The following EVI5 variants were observed in gnomAD, a reference collection of about 807,000 sequenced individuals.
EVI5 encodes the protein ecotropic viral integration site 5 protein homolog.
In EVI5, 73 loss-of-function variants were observed where a neutral mutation model predicts 112.0. That is an observed-to-expected ratio of 0.65 (90% CI 0.54 to 0.79). The LOEUF (loss-of-function observed/expected upper bound fraction) is 0.79, where lower values mean the gene tolerates loss of function less well. EVI5 is among the 30% of genes least tolerant of loss of function. The pLI is 0.00. For synonymous variants in EVI5, 305 were observed against 319.9 expected (o/e 0.95, Z 0.50); for missense variants, 900 against 968.8 (o/e 0.93, Z 0.94).
chr1:92,736,153 G>A (rs929715220), intron 2 of EVI5, among the ~76,000 whole-genome samples: 1 of 151,768 alleles, frequency 6.6e-6, no homozygotes, highest in Non-Finnish European at 1.5e-5. Flanking sequence ...TTAAAAAATT[G>A]ATAAAATTCA....
At chr1:92,629,264 T>G (rs1193264567) in intron 14 of EVI5, among the ~76,000 whole-genome samples, 1 of 152,222 alleles carries the variant, frequency 6.6e-6, no homozygotes, top group Non-Finnish European at 1.5e-5. Flanking sequence ...CCATTACTGA[T>G]TCTAGTTACA....
Position 92,509,123 on chromosome 1 carries a change from T to C in EVI5, c.*4533A>G, listed in dbSNP as rs1659035549. Reference sequence around the variant, plus strand: ...ATTAATCAAGCTGGTCATGAAACAGTTTTACCAAAATATAATTCATATACT... The same window carrying C: ...ATTAATCAAGCTGGTCATGAAACAGCTTTACCAAAATATAATTCATATACT... On this transcript the variant is annotated 3_prime_UTR_variant, in exon 20 of 20. Coordinates refer to ENST00000684568, the MANE Select transcript of EVI5 (RefSeq NM_001350197.2). The C allele has an allele frequency of 6.6e-6, 1 of 152,400 alleles. No homozygotes were observed. The highest frequency in any genetic ancestry group is 2.1e-4 in the South Asian group (1 of 4,832). 9.4% of individuals were successfully genotyped at this position (152,400 alleles called of 1,614,324 possible).
At chr1:92,617,290 G>C (rs1222446255) in intron 16 of EVI5, among the ~76,000 whole-genome samples, 1 of 152,196 alleles carries the variant, frequency 6.6e-6, no homozygotes, top group Admixed American at 6.5e-5. Flanking sequence ...AATGATTCAT[G>C]GGCTGTAGCC....
chr1:92,652,101 TC>T (rs1557999957), intron 13 of EVI5, among the ~76,000 whole-genome samples: 7 of 152,138 alleles, frequency 4.6e-5, no homozygotes, highest in African/African-American at 1.7e-4. Flanking sequence ...AACCCAAATG[TC>T]CATCAACAAA....
At chr1:92,684,465 CCAGTGA>C (rs1311731904) in intron 9 of EVI5, among the ~76,000 whole-genome samples, 1 of 152,156 alleles carries the variant, frequency 6.6e-6, no homozygotes, top group East Asian at 1.9e-4. Context: ...ATTGTAAAGA[CCAGTGA>C]CACTGTGAAG....
At chr1:92,574,066 T>G (rs1347389253) in intron 18 of EVI5, among the ~76,000 whole-genome samples, 2 of 152,076 alleles carry the variant, frequency 1.3e-5, no homozygotes, top group Non-Finnish European at 2.9e-5. Flanking sequence ...ATATAACACA[T>G]AAGAGTATGT....
intron 1 of EVI5, among the ~76,000 whole-genome samples, chr1:92,765,797 G>A (rs370856874): frequency 1.7e-4 from 26 of 152,024 alleles, no homozygotes; most frequent in African/African-American, 5.8e-4. Context: ...GGGAAAGGGC[G>A]GGGCATGGTG....
intron 9 of EVI5, among the ~76,000 whole-genome samples, chr1:92,689,279 T>A (rs1669081036): frequency 6.6e-6 from 1 of 151,878 alleles, no homozygotes; most frequent in African/African-American, 2.4e-5. Context: ...AACCTGTAAG[T>A]CCTTAATAAT....
chr1:92,787,888 G>A (rs749465594), upstream of EVI5, among the ~76,000 whole-genome samples: 19 of 152,162 alleles, frequency 1.2e-4, no homozygotes, highest in Non-Finnish European at 2.4e-4. Context: ...GAAGATAAAT[G>A]ACACAAAGTA....
rs754902394 is a variant in EVI5, at chr1:92,695,431, A to G, written c.788T>C (p.Val263Ala). Residue 263 changes from valine to alanine, a missense_variant, in exon 7 of 20, where the codon GTA (valine) becomes GCA (alanine). Physicochemically the swap from Val to Ala is moderately conservative, Grantham distance 64. Coordinates refer to ENST00000684568, the MANE Select transcript of EVI5 (RefSeq NM_001350197.2). ...MIQEHLPELF[V>A]HFQSQSFHTS... is the part of the protein sequence containing the mutation. ...ATGAAAACTCTGAGATTGAAAATGT[A>G]CAAAGAGCTCTGGAAGATGCTCCTA... The G allele has an allele frequency of 1.2e-6, 2 of 1,605,868 alleles. No homozygotes were observed. The highest frequency in any genetic ancestry group is 3.4e-5 in the Admixed American group (2 of 59,380).
intron 2 of EVI5, among the ~76,000 whole-genome samples, chr1:92,714,859 G>T (rs1045212954): frequency 1.1e-4 from 17 of 152,090 alleles, no homozygotes; most frequent in Admixed American, 9.8e-4. Context: ...CCAAAATCCT[G>T]GGATTACAGG....
intron 19 of EVI5, among the ~76,000 whole-genome samples, chr1:92,536,345 A>C (rs185035863): frequency 6.6e-6 from 1 of 152,310 alleles, no homozygotes; most frequent in East Asian, 1.9e-4. Flanking sequence ...AAAGCATAAA[A>C]ATGCAGTATA....
chr1:92,772,621 G>A (rs950865821), intron 1 of EVI5, among the ~76,000 whole-genome samples: 2 of 151,990 alleles, frequency 1.3e-5, no homozygotes, highest in African/African-American at 4.8e-5. Flanking sequence ...ACTTCATAGC[G>A]GCTGGGTGCA....
chr1:92,667,321 T>C (rs529270659), intron 10 of EVI5, among the ~76,000 whole-genome samples: 1 of 152,120 alleles, frequency 6.6e-6, no homozygotes, highest in Non-Finnish European at 1.5e-5. Flanking sequence ...TAGACTTCAA[T>C]AGTCTCCATT....
At chr1:92,715,042 G>T (rs1673402880) in intron 2 of EVI5, among the ~76,000 whole-genome samples, 1 of 151,374 alleles carries the variant, frequency 6.6e-6, no homozygotes, top group Non-Finnish European at 1.5e-5. Context: ...GTCTCACTCT[G>T]TCACCCACGA....
upstream of EVI5, among the ~76,000 whole-genome samples, chr1:92,788,240 T>C (rs1035239337): frequency 6.6e-6 from 1 of 151,862 alleles, no homozygotes; most frequent in East Asian, 1.9e-4. Context: ...GAGGCCAAGG[T>C]GGGTGGATTG....
intron 9 of EVI5, among the ~76,000 whole-genome samples, chr1:92,683,967 G>C (rs1385040232): frequency 1.3e-5 from 2 of 152,190 alleles, no homozygotes; most frequent in Non-Finnish European, 1.5e-5. Flanking sequence ...AACCAAGTTA[G>C]AAAACACTCT....
At chr1:92,524,200 G>A (rs1661464228) in intron 19 of EVI5, among the ~76,000 whole-genome samples, 1 of 151,026 alleles carries the variant, frequency 6.6e-6, no homozygotes. Context: ...GAATTCAGCA[G>A]GACAGGCCCA....
chr1:92,628,107 T>C (rs911218753), intron 14 of EVI5, among the ~76,000 whole-genome samples: 1 of 152,228 alleles, frequency 6.6e-6, no homozygotes, highest in South Asian at 2.1e-4. Context: ...TACATTTTCA[T>C]GTTTGTTGGC....
Sources: gnomAD v4.1 joint callset for allele counts (sites outside exome capture counted in the v4.1 genomes callset) on GRCh38, gnomAD v4.1.1 for gene constraint, MANE v1.5 for transcripts, NCBI Gene and HGNC (gene_info 2026-07-23, HGNC 2026-07-21) for gene names.